Variants in SLC12A1 observed in about 807,000 individuals in gnomAD.
The protein encoded by SLC12A1 is solute carrier family 12 member 1, also known as Na-K-2Cl cotransporter.
SLC12A1 carries 89 observed loss-of-function variants against 130.4 expected under a neutral mutation model. That is an observed-to-expected ratio of 0.68 (90% CI 0.58 to 0.81). The LOEUF is 0.81. Ranked by LOEUF, SLC12A1 falls within the 40% of genes least tolerant of loss-of-function variation. SLC12A1 has a pLI of 0.00. For synonymous variants in SLC12A1, 499 were observed against 460.0 expected (o/e 1.08, Z -1.09); for missense variants, 1,310 against 1,336.4 (o/e 0.98, Z 0.31).
chr15:48,285,593 T>C (rs1054191823), intron 21 of SLC12A1, among the ~76,000 whole-genome samples: 1 of 152,226 alleles, frequency 6.6e-6, no homozygotes, highest in Non-Finnish European at 1.5e-5. Flanking sequence ...CCAAACTGTC[T>C]TATCCACAGA....
Position 48,241,567 on chromosome 15 carries a change from C to T in SLC12A1, c.1268C>T (p.Thr423Ile). The change falls in exon 10 of 27, where the codon ACT (threonine) becomes ATT (isoleucine). Residue 423 changes from threonine (T) to isoleucine (I), a missense_variant. Transcript: ENST00000380993. ...ACCATGCTGGCCATTTTCATCACCA[C>T]TGTTGCCTACTTAGGGGTTGCAATT... is the stretch of plus-strand genomic sequence containing the variant. The part of the protein sequence containing the change: ...RGTMLAIFIT[T>I]VAYLGVAICV... The T allele has an allele frequency of 6.2e-7, 1 of 1,613,880 alleles. No individual in the cohort carries two copies. Among genetic ancestry groups the T allele is most frequent in the Non-Finnish European group, 8.5e-7 (1 of 1,179,778 alleles).
chr15:48,276,775 C>T (rs2041958362), intron 20 of SLC12A1, among the ~76,000 whole-genome samples: 1 of 151,940 alleles, frequency 6.6e-6, no homozygotes, highest in East Asian at 1.9e-4. Context: ...TGCATGTAGC[C>T]AAGGACTCGA....
chr15:48,207,229 A>G (rs1187181940), intron 1 of SLC12A1, among the ~76,000 whole-genome samples: 1 of 152,184 alleles, frequency 6.6e-6, no homozygotes, highest in Non-Finnish European at 1.5e-5. Context: ...ACTGTATTCA[A>G]TAAGTAAAGT....
intron 20 of SLC12A1, among the ~76,000 whole-genome samples, chr15:48,284,840 A>T (rs1237074179): frequency 6.6e-6 from 1 of 152,108 alleles, no homozygotes; most frequent in African/African-American, 2.4e-5. Flanking sequence ...CATGTTGCCA[A>T]GTCTGGTTTC....
chr15:48,302,208 G>A (rs1422858176), intron 26 of SLC12A1, among the ~76,000 whole-genome samples: 1 of 152,104 alleles, frequency 6.6e-6, no homozygotes, highest in Non-Finnish European at 1.5e-5. Context: ...TTTTTGTTTT[G>A]TCTTTACAAT....
At chr15:48,226,379 C>A in intron 4 of SLC12A1, 97 bp from the exon 5 acceptor site, 2 of 712,774 alleles carry the variant, frequency 2.8e-6, no homozygotes, top group Non-Finnish European at 4.7e-6. Context: ...GAGGCATGGA[C>A]CTGAAAACTT....
intron 19 of SLC12A1, 22 bp downstream of exon 19, chr15:48,269,786 G>A (rs779822978): frequency 2.8e-5 from 38 of 1,344,922 alleles, no homozygotes; most frequent in Non-Finnish European, 3.2e-5. Context: ...CTTTCAAGAC[G>A]TGTTCTTGTT....
At chr15:48,254,155 CT>C (rs969047193) in intron 15 of SLC12A1, among the ~76,000 whole-genome samples, 25 of 145,516 alleles carry the variant, frequency 1.7e-4, no homozygotes, top group Non-Finnish European at 1.2e-4. Context: ...TCTAATTTAT[CT>C]TTTTTTTTTA....
chr15:48,264,416 T>A (rs184398332), intron 17 of SLC12A1, among the ~76,000 whole-genome samples: 2 of 152,280 alleles, frequency 1.3e-5, no homozygotes, highest in Admixed American at 1.3e-4. Flanking sequence ...GTTCAAGCCC[T>A]TATAACCCAG....
chr15:48,254,592 T>TTA, intron 15 of SLC12A1, among the ~76,000 whole-genome samples: 1 of 52,862 alleles, frequency 1.9e-5, no homozygotes, highest in Non-Finnish European at 4.3e-5. Context: ...CTTAAATTCG[T>TTA]AAAAAAAAAA....
chr15:48,258,824 G>A (rs1251057774), intron 16 of SLC12A1, among the ~76,000 whole-genome samples: 1 of 152,170 alleles, frequency 6.6e-6, no homozygotes, highest in African/African-American at 2.4e-5. Context: ...TCATGGTGGA[G>A]GGTGAATGAG....
chr15:48,251,478 A>G (rs1324309074), intron 14 of SLC12A1, 137 bp from the exon 15 acceptor site: 8 of 694,820 alleles, frequency 1.2e-5, no homozygotes, highest in Non-Finnish European at 2.0e-5. Context: ...TAGGAAAATA[A>G]TCACAGATTC....
At chr15:48,289,507 C>T (rs2042098274) in intron 23 of SLC12A1, among the ~76,000 whole-genome samples, 1 of 148,140 alleles carries the variant, frequency 6.8e-6, no homozygotes, top group South Asian at 2.1e-4. Context: ...CACAGTTATA[C>T]ACTGCTACAT....
At chr15:48,260,409 C>A (rs560269337) in intron 17 of SLC12A1, among the ~76,000 whole-genome samples, 1 of 150,058 alleles carries the variant, frequency 6.7e-6, no homozygotes, top group African/African-American at 2.4e-5. Flanking sequence ...GCTATCAATG[C>A]ATTTTTATAG....
rs1597434518 is a variant in SLC12A1 at position 48,258,079 on chromosome 15, C to CTCCAGTTCCCAA, written c.2043-1121_2043-1120insTCCAGTTCCCAA. Among the ~76,000 whole-genome samples the CTCCAGTTCCCAA allele has an allele frequency of 1.7e-3, 212 of 126,444 alleles. 7 individuals carry two copies. The highest frequency in any genetic ancestry group is 0.011 in the Middle Eastern group (3 of 284). 83.0% of individuals were successfully genotyped at this position (126,444 alleles called of 152,430 possible). A position where few individuals can be genotyped will look rare whatever the true frequency, so the allele number is the denominator to read the frequency against. ...CTTTGCACAGCAAGAGTGACCTTTACGGCCGGGCGCGGTGGCTCACGCCTG... is the reference window on the plus strand; with the variant it reads ...CTTTGCACAGCAAGAGTGACCTTTACTCCAGTTCCCAAGGCCGGGCGCGGTGGCTCACGCCTG... On this transcript the variant is annotated intron_variant, in intron 16 of 26. Coordinates refer to ENST00000380993, the MANE Select transcript of SLC12A1 (RefSeq NM_000338.3).
Position 48,207,529 on chromosome 15 carries a change from G to A in SLC12A1, c.-186-5G>A, listed in dbSNP as rs963485372. The A allele has an allele frequency of 1.2e-5, 5 of 434,624 alleles. No homozygotes were observed. The Admixed American group carries it at 2.0e-4, about 17-fold the overall frequency. The allele number at this position is 434,624 out of a possible 1,614,324, so 26.9% of individuals were successfully genotyped here. On this transcript the variant is annotated splice_polypyrimidine_tract_variant and splice_region_variant and intron_variant, in intron 1 of 26. Coordinates refer to ENST00000380993, the MANE Select transcript of SLC12A1 (RefSeq NM_000338.3). ...AACAAGTTTAATTTTCTTTTTCAAT[G>A]ACAGCTTTGAAGAACATCCTGAAGA...
At chr15:48,263,178 T>A (rs2041794728) in intron 17 of SLC12A1, among the ~76,000 whole-genome samples, 1 of 152,282 alleles carries the variant, frequency 6.6e-6, no homozygotes, top group South Asian at 2.1e-4. Context: ...AAATAGGAAT[T>A]TTTTTATTAA....
chr15:48,254,364 C>T (rs548941381), intron 15 of SLC12A1, among the ~76,000 whole-genome samples: 11 of 151,918 alleles, frequency 7.2e-5, no homozygotes, highest in Admixed American at 5.9e-4. Context: ...GTTTTTATCC[C>T]TATAAAAATA....
intron 8 of SLC12A1, 69 bp from the exon 9 acceptor site, chr15:48,234,807 CA>C: frequency 6.8e-7 from 1 of 1,467,194 alleles, no homozygotes. Flanking sequence ...CTAGGGAAGC[CA>C]ATGGTAACTT....
Sources: allele counts gnomAD v4.1 joint callset (sites outside exome capture counted in the v4.1 genomes callset), GRCh38; gene constraint gnomAD v4.1.1; transcripts MANE v1.5; gene names NCBI Gene and HGNC (gene_info 2026-07-23, HGNC 2026-07-21).